FAM185A: variants seen among roughly 807,000 people sequenced by gnomAD.
The protein encoded by FAM185A is protein FAM185A.
FAM185A carries 21 observed loss-of-function variants against 45.7 expected under a neutral mutation model. The observed-to-expected ratio is 0.46, with a 90% CI of 0.33 to 0.66. The LOEUF (loss-of-function observed/expected upper bound fraction) is 0.66. Among genes scored for constraint, FAM185A ranks in the 30% least tolerant of loss-of-function variants. The pLI is 0.03. For missense variants in FAM185A, 305 were observed against 485.4 expected, an observed-to-expected ratio of 0.63 and a Z score of 3.49; for synonymous variants, 117 against 194.0, an observed-to-expected ratio of 0.60 and a Z score of 3.30.
intron 7 of FAM185A, among the ~76,000 whole-genome samples, chr7:102,791,621 T>C (rs1459973684): frequency 1.2e-4 from 19 of 152,242 alleles, no homozygotes; most frequent in Non-Finnish European, 4.4e-5. Flanking sequence ...TAGGTACTGA[T>C]CAAGCATCGT....
chr7:102,752,421 A>G (rs140124155), intron 2 of FAM185A, among the ~76,000 whole-genome samples: 3,756 of 151,694 alleles, frequency 0.025, 85 homozygotes, highest in African/African-American at 0.086. Context: ...ACAGGCATGC[A>G]CCACCACACT....
the FAM185A span, among the ~76,000 whole-genome samples, chr7:102,821,353 T>G: frequency 2.0e-5 from 3 of 152,182 alleles, no homozygotes; most frequent in African/African-American, 7.2e-5. Context: ...CAAGTAATTT[T>G]TCTTTCTTTT....
the FAM185A span, among the ~76,000 whole-genome samples, chr7:102,831,431 A>ACACACAC: frequency 6.8e-5 from 10 of 147,126 alleles, no homozygotes; most frequent in African/African-American, 2.5e-4. Flanking sequence ...ACACACACAC[A>ACACACAC]CCCCACTACA....
the FAM185A span, chr7:102,822,437 C>G: frequency 3.1e-6 from 2 of 642,006 alleles, no homozygotes; most frequent in East Asian, 6.4e-5. Flanking sequence ...TCCATTCTTG[C>G]TATCTTCTCA....
At chr7:102,832,957 T>C in the FAM185A span, 1 of 1,614,176 alleles carries the variant, frequency 6.2e-7, no homozygotes, top group Non-Finnish European at 8.5e-7. Flanking sequence ...CCAAGATCAG[T>C]GAGCTTTTGC....
At chr7:102,762,686 A>T (rs1473606280) in intron 4 of FAM185A, among the ~76,000 whole-genome samples, 1 of 152,176 alleles carries the variant, frequency 6.6e-6, no homozygotes, top group Admixed American at 6.5e-5. Context: ...AAAAAATTTT[A>T]AAAAGCATAC....
chr7:102,770,023 G>A (rs1794655024), intron 4 of FAM185A, among the ~76,000 whole-genome samples: 1 of 152,092 alleles, frequency 6.6e-6, no homozygotes. Context: ...TTGTGGGAAC[G>A]TTCAAACCAC....
At chr7:102,785,235 A>G (rs1388720136) in intron 6 of FAM185A, among the ~76,000 whole-genome samples, 2 of 151,656 alleles carry the variant, frequency 1.3e-5, no homozygotes, top group Admixed American at 6.6e-5. Flanking sequence ...AATCAATATC[A>G]TGAAAATGGC....
At chr7:102,787,760 CTG>C (rs1289384256) in intron 7 of FAM185A, among the ~76,000 whole-genome samples, 1 of 152,170 alleles carries the variant, frequency 6.6e-6, no homozygotes, top group Non-Finnish European at 1.5e-5. Context: ...TAAAAATAAA[CTG>C]AATACATATA....
chr7:102,786,596 C>G (rs1795812353), intron 6 of FAM185A, among the ~76,000 whole-genome samples: 1 of 152,192 alleles, frequency 6.6e-6, no homozygotes, highest in Non-Finnish European at 1.5e-5. Flanking sequence ...CCAAACACCA[C>G]ATGTTCTCAC....
intron 2 of FAM185A, among the ~76,000 whole-genome samples, chr7:102,752,617 T>G (rs62484868): frequency 0.79 from 117,846 of 149,490 alleles, 46,953 homozygotes; most frequent in Middle Eastern, 0.88. Context: ...GTAGAGACAG[T>G]GTCTCACTGT....
At chr7:102,806,562 T>A (rs1449380910) in intron 7 of FAM185A, among the ~76,000 whole-genome samples, 1 of 49,144 alleles carries the variant, frequency 2.0e-5, no homozygotes, top group Non-Finnish European at 3.4e-5. Flanking sequence ...TGTTTGTTTG[T>A]GTTTTTTTGT....
chr7:102,837,134 G>C, the FAM185A span, among the ~76,000 whole-genome samples: 24,504 of 152,226 alleles, frequency 0.16, 2,044 homozygotes, highest in Middle Eastern at 0.26. Flanking sequence ...CATATCCCAT[G>C]AGATGGAGAG....
the FAM185A span, among the ~76,000 whole-genome samples, chr7:102,847,492 C>T: frequency 6.6e-6 from 1 of 151,976 alleles, no homozygotes. Flanking sequence ...AAAACATAGA[C>T]AAAAAGGTAA....
Position 102,749,357 on chromosome 7 carries a change from G to C in FAM185A, c.150G>C (p.Ser50=), listed in dbSNP as rs1457383923. The part of the protein sequence containing the change: ...SSGGSERWPG[S]ETEVPPPGPG... The stretch of plus-strand genomic sequence containing the variant: ...GTGGGAGCGAGCGCTGGCCCGGATC[G>C]GAGACTGAGGTCCCTCCGCCTGGCC... The change falls in exon 1 of 8, where the codon TCG becomes TCC. Residue 50 remains serine (S), a synonymous_variant. Transcript: ENST00000413034. The C allele has an allele frequency of 1.3e-6, 2 of 1,548,920 alleles. No individual in the cohort carries two copies. Among genetic ancestry groups the C allele is most frequent in the Non-Finnish European group, 1.7e-6 (2 of 1,146,650 alleles).
chr7:102,830,518 A>G, the FAM185A span, among the ~76,000 whole-genome samples: 2 of 152,354 alleles, frequency 1.3e-5, no homozygotes, highest in East Asian at 3.9e-4. Flanking sequence ...GATGCTGACC[A>G]GAAAGACATC....
At chr7:102,769,043 CT>C (rs1419637100) in intron 4 of FAM185A, among the ~76,000 whole-genome samples, 2 of 152,044 alleles carry the variant, frequency 1.3e-5, no homozygotes, top group Non-Finnish European at 2.9e-5. Context: ...TTTGTGTTTT[CT>C]AATGACTTTA....
the FAM185A span, among the ~76,000 whole-genome samples, chr7:102,832,020 C>T: frequency 6.6e-6 from 1 of 152,034 alleles, no homozygotes; most frequent in Non-Finnish European, 1.5e-5. Flanking sequence ...AAAAACAAGG[C>T]AAAACACAAA....
chr7:102,825,922 G>T, the FAM185A span, among the ~76,000 whole-genome samples: 1 of 152,152 alleles, frequency 6.6e-6, no homozygotes, highest in Non-Finnish European at 1.5e-5. Flanking sequence ...TTGTAGAATG[G>T]TTACCCGAGA....
Sources: allele counts gnomAD v4.1 joint callset (sites outside exome capture counted in the v4.1 genomes callset), GRCh38; gene constraint gnomAD v4.1.1; transcripts MANE v1.5; gene names NCBI Gene and HGNC (gene_info 2026-07-23, HGNC 2026-07-21).